Variants in MACROD1 observed in about 807,000 individuals in gnomAD.
MACROD1 encodes the protein mono-ADP ribosylhydrolase 1.
MACROD1 carries 31 observed loss-of-function variants against 41.4 expected under a neutral mutation model. The ratio of observed to expected loss-of-function variants is 0.75; its 90% CI spans 0.56 to 1.01. The LOEUF is 1.01. Ranked by LOEUF, MACROD1 falls within the 50% of genes least tolerant of loss-of-function variation. The probability of loss-of-function intolerance (pLI) is 0.00; values close to 1 mark genes in which losing one functional copy is unlikely to be tolerated. For synonymous variants in MACROD1, 252 were observed against 203.4 expected (o/e 1.24, Z -2.03); for missense variants, 473 against 460.0 (o/e 1.03, Z -0.26).
intron 4 of MACROD1, among the ~76,000 whole-genome samples, chr11:64,003,465 C>T (rs993392442): frequency 5.9e-5 from 9 of 152,086 alleles, no homozygotes; most frequent in Non-Finnish European, 1.0e-4. Context: ...GTGATCCACC[C>T]GTCTCAGCCT....
At position 64,053,950 on chromosome 11, in the gene MACROD1, G is replaced by A. The variant is rs1026153646; in HGVS notation, c.518-38669C>T. Among the ~76,000 whole-genome samples the A allele has an allele frequency of 4.6e-5, 7 of 152,220 alleles. No homozygotes were observed. The South Asian group carries it at 1.0e-3, about 23-fold the overall frequency. On this transcript the variant is annotated intron_variant, in intron 3 of 10. Coordinates refer to ENST00000255681, the MANE Select transcript of MACROD1 (RefSeq NM_014067.4). ...GCCCGGAGTCATCCTTGCATGGCAC[G>A]GAGCTGTTCCTGCGTTCCAGCACCG...
intron 3 of MACROD1, among the ~76,000 whole-genome samples, chr11:64,018,688 C>T (rs1943114416): frequency 6.6e-6 from 1 of 152,172 alleles, no homozygotes; most frequent in Non-Finnish European, 1.5e-5. Flanking sequence ...ACTGCACCAC[C>T]CCCCTCAGTT....
rs534467265 is a variant in MACROD1, at chr11:64,102,370, C to A, written c.517+48869G>T. ...CTGCGGGTGTTGAGGACTGACCCCCCACCTAGGAAGTGGGGTGGGCACCAG... is the reference window on the plus strand; with the variant it reads ...CTGCGGGTGTTGAGGACTGACCCCCAACCTAGGAAGTGGGGTGGGCACCAG... On this transcript the variant is annotated intron_variant, in intron 3 of 10. Coordinates refer to ENST00000255681, the MANE Select transcript of MACROD1 (RefSeq NM_014067.4). 2.6e-5 allele frequency among the ~76,000 whole-genome samples: 4 copies of A among 152,252 alleles called. No homozygotes were observed. In the South Asian group the frequency reaches 6.2e-4, roughly 24 times the overall value.
chr11:64,007,625 G>C (rs1942935477), intron 4 of MACROD1, among the ~76,000 whole-genome samples: 1 of 152,162 alleles, frequency 6.6e-6, no homozygotes, highest in Non-Finnish European at 1.5e-5. Flanking sequence ...CATCAGTGAA[G>C]GGACGTGTTC....
chr11:64,074,200 GAGAA>G (rs961610488), intron 3 of MACROD1, among the ~76,000 whole-genome samples: 1 of 152,256 alleles, frequency 6.6e-6, no homozygotes, highest in African/African-American at 2.4e-5. Context: ...CCGAGGCAGA[GAGAA>G]AGGAGGGCTT....
chr11:64,150,630 T>C (rs1385549235), intron 3 of MACROD1, among the ~76,000 whole-genome samples: 1 of 152,170 alleles, frequency 6.6e-6, no homozygotes, highest in African/African-American at 2.4e-5. Flanking sequence ...TCCTGGCGCC[T>C]TTGACCTTGC....
intron 3 of MACROD1, among the ~76,000 whole-genome samples, chr11:64,121,162 G>A (rs1945091639): frequency 6.6e-6 from 1 of 152,110 alleles, no homozygotes; most frequent in African/African-American, 2.4e-5. Context: ...TGAGTGATGA[G>A]CTTTCCTCCC....
intron 1 of MACROD1, among the ~76,000 whole-genome samples, chr11:64,156,479 G>C (rs1032539538): frequency 6.6e-6 from 1 of 152,140 alleles, no homozygotes; most frequent in African/African-American, 2.4e-5. Flanking sequence ...AAGTGTCTCT[G>C]GCTGGGCAGG....
chr11:64,078,500 C>T (rs1944244463), intron 3 of MACROD1, among the ~76,000 whole-genome samples: 1 of 152,230 alleles, frequency 6.6e-6, no homozygotes, highest in African/African-American at 2.4e-5. Flanking sequence ...CCACCCCGGC[C>T]TCCCCTTGCA....
chr11:64,149,048 A>G, intron 3 of MACROD1: 1 of 985,166 alleles, frequency 1.0e-6, no homozygotes, highest in Non-Finnish European at 1.2e-6. Flanking sequence ...GAACAAAAAG[A>G]TCCCAGGAGA....
At chr11:64,137,031 T>C (rs1391130733) in intron 3 of MACROD1, among the ~76,000 whole-genome samples, 1 of 152,222 alleles carries the variant, frequency 6.6e-6, no homozygotes, top group East Asian at 1.9e-4. Context: ...GAGACGAATC[T>C]CCAGGCCGCT....
intron 3 of MACROD1, among the ~76,000 whole-genome samples, chr11:64,148,038 C>G (rs549346713): frequency 6.6e-6 from 1 of 152,264 alleles, no homozygotes; most frequent in Non-Finnish European, 1.5e-5. Context: ...TACGTCCCGC[C>G]CAGGGTCCGA....
intron 3 of MACROD1, among the ~76,000 whole-genome samples, chr11:64,149,976 C>G (rs1321887497): frequency 6.6e-6 from 1 of 152,196 alleles, no homozygotes; most frequent in Non-Finnish European, 1.5e-5. Flanking sequence ...CAAGGTGACC[C>G]TAGCTCTCCC....
chr11:64,116,109 C>T (rs2134615143), intron 3 of MACROD1: 4 of 1,180,170 alleles, frequency 3.4e-6, no homozygotes, highest in Non-Finnish European at 4.6e-6. Context: ...CAGGACCGGA[C>T]TTCGGTCACC....
chr11:64,165,617 T>G (rs1057161520), intron 1 of MACROD1, 80 bp downstream of exon 1: 101 of 1,257,590 alleles, frequency 8.0e-5, no homozygotes, highest in Non-Finnish European at 9.8e-5. Context: ...AAGGGGCTGC[T>G]CGCTCGTTGG....
chr11:64,098,865 C>T (rs954661109), intron 3 of MACROD1, among the ~76,000 whole-genome samples: 3 of 152,226 alleles, frequency 2.0e-5, no homozygotes, highest in Non-Finnish European at 4.4e-5. Flanking sequence ...TTTCTAGCAG[C>T]ACATACCAGC....
At chr11:64,026,053 C>T (rs989769314) in intron 3 of MACROD1, among the ~76,000 whole-genome samples, 2 of 152,070 alleles carry the variant, frequency 1.3e-5, no homozygotes, top group African/African-American at 2.4e-5. Context: ...TGGTGGTGCG[C>T]GCCGGTAATC....
At chr11:64,055,853 G>A (rs1163491190) in intron 3 of MACROD1, among the ~76,000 whole-genome samples, 1 of 152,216 alleles carries the variant, frequency 6.6e-6, no homozygotes, top group African/African-American at 2.4e-5. Context: ...GGCCAGGCCG[G>A]TGACTCTTGG....
chr11:64,022,877 T>TC (rs1435677514), intron 3 of MACROD1, among the ~76,000 whole-genome samples: 10 of 147,298 alleles, frequency 6.8e-5, no homozygotes, highest in African/African-American at 2.5e-4. Flanking sequence ...ATTTTTTTTT[T>TC]TTTTTTTTTT....
Sources: gnomAD v4.1 joint callset for allele counts (sites outside exome capture counted in the v4.1 genomes callset) on GRCh38, gnomAD v4.1.1 for gene constraint, MANE v1.5 for transcripts, NCBI Gene and HGNC (gene_info 2026-07-23, HGNC 2026-07-21) for gene names.